Variants in COMP observed in about 807,000 individuals in gnomAD.
The protein encoded by COMP is cartilage oligomeric matrix protein.
In COMP, 79 loss-of-function variants were observed where a neutral mutation model predicts 95.8. The observed-to-expected ratio is 0.82, with a 90% CI of 0.69 to 0.99. The LOEUF is 0.99. COMP is among the 50% of genes least tolerant of loss of function. COMP has a pLI of 0.00. For synonymous variants in COMP, 438 were observed against 433.9 expected (o/e 1.01, Z -0.12); for missense variants, 906 against 1,076.1 (o/e 0.84, Z 2.21).
At position 18,786,638 on chromosome 19, in the gene COMP, T is replaced by C. The variant is rs1221968769; in HGVS notation, c.1148A>G (p.Gln383Arg). The change falls in exon 11 of 19, where the codon CAG (glutamine) becomes CGG (arginine). Residue 383 changes from glutamine (Q) to arginine (R), a missense_variant. Coordinates refer to ENST00000222271, the MANE Select transcript of COMP (RefSeq NM_000095.3). Reference sequence around the variant, plus strand: ...GGGTACCCTAGGGCAGTTGTCGGCCTGGTTGCGGATCCCTGCAGAAATCCA... The same window carrying C: ...GGGTACCCTAGGGCAGTTGTCGGCCCGGTTGCGGATCCCTGCAGAAATCCA... The part of the protein sequence containing the change: ...DDIDGDRIRN[Q>R]ADNCPRVPNS... 3.1e-6 allele frequency: 5 copies of C among 1,613,718 alleles called. No individual in the cohort carries two copies. Among genetic ancestry groups the C allele is most frequent in the African/African-American group, 1.3e-5 (1 of 74,866 alleles).
Position 18,784,748 on chromosome 19 carries a change from G to T in COMP, c.1914+148C>A. 1 of 850,808 alleles carries T rather than the reference G, an allele frequency of 1.2e-6. No homozygotes were observed. The highest frequency in any genetic ancestry group is 1.9e-6 in the Non-Finnish European group (1 of 527,210). The allele number at this position is 850,808 out of a possible 1,614,324, so 52.7% of individuals were successfully genotyped here. On this transcript the variant is annotated intron_variant, in intron 16 of 18. Transcript: ENST00000222271. The surrounding 1 kb of genome is among the most constrained non-coding windows in gnomAD (Gnocchi z 4.9). ...AAGGAACTGGGAGGATTTGGGGACT[G>T]CGGGAGCCCAGAGGAGGGCTGGGAC...
At position 18,784,400 on chromosome 19, in the gene COMP, G is replaced by A. The variant is rs771111276; in HGVS notation, c.1915-37C>T. ...CAGGAAAGGTGGTCAGAGACCTCGT[G>A]GGCCACCGGAGCCCCCCTAGACACC... On this transcript the variant is annotated intron_variant, in intron 16 of 18. Transcript: ENST00000222271. This position sits in a 1 kb window ranked among gnomAD's most constrained non-coding sequence, Gnocchi z 4.9. The A allele has an allele frequency of 6.2e-7, 1 of 1,612,342 alleles. No individual in the cohort carries two copies. The highest frequency in any genetic ancestry group is 1.1e-5 in the South Asian group (1 of 91,008).
At position 18,785,661 on chromosome 19, in the gene COMP, C is replaced by T; in HGVS notation, c.1668+12G>A. 1 of 1,613,468 alleles carries T rather than the reference C, an allele frequency of 6.2e-7. No homozygotes were observed. Among genetic ancestry groups the T allele is most frequent in the Non-Finnish European group, 8.5e-7 (1 of 1,180,012 alleles). On this transcript the variant is annotated intron_variant, in intron 14 of 18. Transcript: ENST00000222271. Reference sequence around the variant, plus strand: ...AGGGTCCCATCACCCCCCACGTGGACCCCGCTCCCACCTGGTTGAGCACCA... The same window carrying T: ...AGGGTCCCATCACCCCCCACGTGGATCCCGCTCCCACCTGGTTGAGCACCA...
chr19:18,789,904 G>A lies in COMP; in HGVS notation c.390+38C>T. 6.3e-7 allele frequency: 1 copy of A among 1,592,190 alleles called. No individual in the cohort carries two copies. Among genetic ancestry groups the A allele is most frequent in the Non-Finnish European group, 8.5e-7 (1 of 1,177,144 alleles). ...GGCGAGAGATTGGGGGGCGGTAGAG[G>A]GAGTCGTCAGGGCGGTGGAGTGTCG... On this transcript the variant is annotated intron_variant, in intron 4 of 18. Transcript: ENST00000222271. This position sits in a 1 kb window ranked among gnomAD's most constrained non-coding sequence, Gnocchi z 6.1.
rs757719331 is a variant in COMP at position 18,785,595 on chromosome 19, AG to A, written c.1669-50del. The A allele has an allele frequency of 8.7e-6, 14 of 1,613,690 alleles. No individual in the cohort carries two copies. The South Asian group carries it at 1.4e-4, about 16-fold the overall frequency. The stretch of plus-strand genomic sequence containing the variant: ...GCCTCAGGCTGGCCGTGACAGCCCT[AG>A]GCACCCTGTCCTCAGCATAGGCCTC... On this transcript the variant is annotated intron_variant, in intron 14 of 18. Transcript: ENST00000222271.
Position 18,785,562 on chromosome 19 carries a change from A to G in COMP, c.1669-16T>C. The G allele has an allele frequency of 6.2e-7, 1 of 1,613,964 alleles. No individual in the cohort carries two copies. Among genetic ancestry groups the G allele is most frequent in the Non-Finnish European group, 8.5e-7 (1 of 1,180,014 alleles). ...TCTCCCTTCCCTGATGGGGTCAAAG[A>G]AAGGAGGGCCTCAGGCTGGCCGTGA... On this transcript the variant is annotated splice_polypyrimidine_tract_variant and intron_variant, in intron 14 of 18. Coordinates refer to ENST00000222271, the MANE Select transcript of COMP (RefSeq NM_000095.3).
At chr19:18,785,270 G>A (rs1470388467) in intron 15 of COMP, among the ~76,000 whole-genome samples, 178 bp from the exon 16 acceptor site, 1 of 151,802 alleles carries the variant, frequency 6.6e-6, no homozygotes, top group Non-Finnish European at 1.5e-5. Flanking sequence ...CGCCCCTCCA[G>A]AGTCCACCTC....
intron 3 of COMP, 63 bp from the exon 4 acceptor site, chr19:18,790,177 A>C: frequency 7.7e-7 from 1 of 1,292,094 alleles, no homozygotes; most frequent in Non-Finnish European, 1.0e-6. Context: ...GGCAGAGCCT[A>C]TCATGGCCAC....
chr19:18,790,782 CT>C (rs2055207207), intron 2 of COMP, 67 bp downstream of exon 2: 1 of 1,578,004 alleles, frequency 6.3e-7, no homozygotes, highest in Admixed American at 1.8e-5. Context: ...TACTTCCTCT[CT>C]CCTCGCTGGG....
intron 15 of COMP, 109 bp from the exon 16 acceptor site, chr19:18,785,201 T>C (rs1405220508): frequency 3.6e-6 from 4 of 1,107,280 alleles, no homozygotes; most frequent in Non-Finnish European, 5.4e-6. Flanking sequence ...CCTGCAGACC[T>C]GCACCATTCC....
In COMP at chr19:18,784,134, T is replaced by A; in HGVS notation, c.2087+57A>T. Reference sequence around the variant, plus strand: ...CACAGCCCCTGCCTGGCCAGGGCACTCCCACCTGGGCCTGTGTGTCCCCAG... The same window carrying A: ...CACAGCCCCTGCCTGGCCAGGGCACACCCACCTGGGCCTGTGTGTCCCCAG... On this transcript the variant is annotated intron_variant, in intron 17 of 18. Transcript: ENST00000222271. The surrounding 1 kb of genome is among the most constrained non-coding windows in gnomAD (Gnocchi z 4.9). 2.5e-6 allele frequency: 4 copies of A among 1,598,688 alleles called. 1 individual carries two copies. The South Asian group carries it at 4.4e-5, about 18-fold the overall frequency.
rs74798576 is a variant in COMP at position 18,789,084 on chromosome 19, A to G, written c.528+76T>C. Reference sequence around the variant, plus strand: ...ACCCCTCCCGCTGGAAGGAGGCTGGAAGAGGAGTTTACTGGTAAACAAAAT... The same window carrying G: ...ACCCCTCCCGCTGGAAGGAGGCTGGGAGAGGAGTTTACTGGTAAACAAAAT... On this transcript the variant is annotated intron_variant, in intron 5 of 18. Coordinates refer to ENST00000222271, the MANE Select transcript of COMP (RefSeq NM_000095.3). The surrounding 1 kb of genome is among the most constrained non-coding windows in gnomAD (Gnocchi z 6.1). 37,207 of 1,560,796 alleles carry G rather than the reference A, an allele frequency of 0.024. 597 individuals are homozygous for G. Among genetic ancestry groups the G allele is most frequent in the East Asian group, 0.072 (3,174 of 43,908 alleles).
At chr19:18,785,452 C>T in intron 15 of COMP, 46 bp downstream of exon 15, 3 of 1,611,158 alleles carry the variant, frequency 1.9e-6, no homozygotes, top group South Asian at 1.1e-5. Flanking sequence ...GGCCCCTCTC[C>T]CTGAGCCCGC....
Position 18,788,348 on chromosome 19 carries a change from G to T in COMP, c.868-29C>A. On this transcript the variant is annotated intron_variant, in intron 8 of 18. Coordinates refer to ENST00000222271, the MANE Select transcript of COMP (RefSeq NM_000095.3). This position sits in a 1 kb window ranked among gnomAD's most constrained non-coding sequence, Gnocchi z 4.7. Reference sequence around the variant, plus strand: ...GGGGCGGGCACAGAAGGTGTGAGGGGCGCGGTCATGAAGTCCCGCCCTCCC... The same window carrying T: ...GGGGCGGGCACAGAAGGTGTGAGGGTCGCGGTCATGAAGTCCCGCCCTCCC... 9 of 1,608,046 alleles carry T rather than the reference G, an allele frequency of 5.6e-6. No homozygotes were observed. Among genetic ancestry groups the T allele is most frequent in the Non-Finnish European group, 7.6e-6 (9 of 1,178,974 alleles).
chr19:18,783,064 G>A lies in COMP; in HGVS notation c.2217C>T (p.Tyr739=), dbSNP rs1164914356. Residue 739 remains tyrosine, a synonymous_variant, in exon 18 of 19, where the codon TAC becomes TAT. Transcript: ENST00000222271. ...TGGCCCTCGGCTCACCATTGCAGCG[G>A]TAACGCAGGTTGGCCCAGATGATGT... is the stretch of plus-strand genomic sequence containing the variant. The part of the protein sequence containing the change: ...QENIIWANLR[Y]RCNDTIPEDY... 1 of 1,612,168 alleles carries A rather than the reference G, an allele frequency of 6.2e-7. No individual in the cohort carries two copies. The highest frequency in any genetic ancestry group is 1.3e-5 in the African/African-American group (1 of 74,940).
rs1387165984 is a variant in COMP, at chr19:18,790,038, G to A, written c.294C>T (p.Pro98=). 1.3e-6 allele frequency: 2 copies of A among 1,571,242 alleles called. No individual in the cohort carries two copies. Among genetic ancestry groups the A allele is most frequent in the Admixed American group, 1.8e-5 (1 of 54,278 alleles). The change falls in exon 4 of 19, where the codon CCC becomes CCT. Residue 98 remains proline (P), a synonymous_variant. Coordinates refer to ENST00000222271, the MANE Select transcript of COMP (RefSeq NM_000095.3). ...TCTCCGTCTGGATGCAGGCCACGCCGGGGAAGCAGAAGCCGGGCGCGCAGT... is the reference window on the plus strand; with the variant it reads ...TCTCCGTCTGGATGCAGGCCACGCCAGGGAAGCAGAAGCCGGGCGCGCAGT... The part of the protein sequence containing the change: ...LLHCAPGFCF[P]GVACIQTESG...
At chr19:18,783,309 T>TGAGGCCCAAGGCA in intron 17 of COMP, 116 bp from the exon 18 acceptor site, 1 of 1,420,784 alleles carries the variant, frequency 7.0e-7, no homozygotes, top group Non-Finnish European at 9.5e-7. Context: ...TGGGAGCAAG[T>TGAGGCCCAAGGCA]GAGGCCTCTG....
chr19:18,786,741 C>A, intron 10 of COMP, 91 bp from the exon 11 acceptor site: 3 of 580,934 alleles, frequency 5.2e-6, no homozygotes, highest in South Asian at 1.5e-5. Context: ...TGGCCTGGAA[C>A]AGAGTCCCAA....
intron 11 of COMP, 36 bp from the exon 12 acceptor site, chr19:18,786,327 CAG>C (rs1166556041): frequency 4.3e-6 from 7 of 1,613,274 alleles, no homozygotes; most frequent in Middle Eastern, 1.6e-4. Flanking sequence ...CATAATCAGA[CAG>C]AGGAAATCAG....
Sources: gnomAD v4.1 joint callset for allele counts (sites outside exome capture counted in the v4.1 genomes callset) on GRCh38, gnomAD v4.1.1 for gene constraint, Gnocchi (gnomAD v3.1) non-coding constraint, MANE v1.5 for transcripts, NCBI Gene and HGNC (gene_info 2026-07-23, HGNC 2026-07-21) for gene names.